The following SREK1 variants were observed in gnomAD, a reference collection of about 807,000 sequenced individuals.
The protein encoded by SREK1 is splicing regulatory glutamine/lysine-rich protein 1.
In SREK1, 13 loss-of-function variants were observed where a neutral mutation model predicts 66.5. That is an observed-to-expected ratio of 0.20 (90% CI 0.13 to 0.31). The LOEUF is 0.31. Ranked by LOEUF, SREK1 falls within the 10% of genes least tolerant of loss-of-function variation. The pLI, the probability that SREK1 is intolerant of heterozygous loss-of-function variation, is 1.00. For missense variants in SREK1, 607 were observed against 769.6 expected, an observed-to-expected ratio of 0.79 and a Z score of 2.50; for synonymous variants, 265 against 263.5, an observed-to-expected ratio of 1.01 and a Z score of -0.05.
Position 66,144,430 on chromosome 5 carries a change from G to A in SREK1, c.54G>A (p.Thr18=). The A allele has an allele frequency of 6.4e-7, 1 of 1,551,696 alleles. No individual in the cohort carries two copies. The highest frequency in any genetic ancestry group is 8.7e-7 in the Non-Finnish European group (1 of 1,146,996). The change falls in exon 1 of 12, where the codon ACG becomes ACA. Residue 18 remains threonine (T), a synonymous_variant. Coordinates refer to ENST00000334121, the MANE Select transcript of SREK1 (RefSeq NM_001077199.3). ...GLGLGFGLTP[T]SVIQVTNLSS... is the part of the protein sequence containing the mutation. ...GCTTAGGCTTCGGCCTCACCCCCAC[G>A]TCGGTGATTCAGGTGACGAATCTGT...
chr5:66,151,258 G>A (rs1743781292), intron 1 of SREK1, among the ~76,000 whole-genome samples: 1 of 152,228 alleles, frequency 6.6e-6, no homozygotes, highest in South Asian at 2.1e-4. Context: ...AGTCGTTGTG[G>A]TGGAGGAAAA....
rs144155678 is a variant in SREK1 at position 66,170,352 on chromosome 5, G to A, written c.1121+182G>A. ...GATTAATATTGATTGCCAGTGATCT[G>A]AATCTGATGTCAGTGTGACTCATGA... is the stretch of plus-strand genomic sequence containing the variant. On this transcript the variant is annotated intron_variant, in intron 8 of 11. Transcript: ENST00000334121. 2.2e-4 allele frequency among the ~76,000 whole-genome samples: 33 copies of A among 152,258 alleles called. No individual in the cohort carries two copies. In the East Asian group the frequency reaches 6.2e-3, roughly 28 times the overall value.
At chr5:66,167,012 A>G (rs1248810224) in intron 7 of SREK1, 2 of 152,172 alleles carry the variant, frequency 1.3e-5, no homozygotes, top group African/African-American at 2.4e-5. Context: ...CTCCTCTGCT[A>G]GTGGGAGTTG....
At chr5:66,160,087 G>A (rs187677079) in intron 3 of SREK1, among the ~76,000 whole-genome samples, 37 of 151,680 alleles carry the variant, frequency 2.4e-4, no homozygotes, top group Admixed American at 4.6e-4. Context: ...CGAAGATTGC[G>A]CCACTGCACT....
In SREK1 at chr5:66,183,590, TAATAA is replaced by T. The variant is rs1746676970; in HGVS notation, c.*4726_*4730del. On this transcript the variant is annotated 3_prime_UTR_variant, in exon 12 of 12. Coordinates refer to ENST00000334121, the MANE Select transcript of SREK1 (RefSeq NM_001077199.3). ...TGCTGCTATTATGTTGCTATATTTT[TAATAA>T]AATGAAAATCTTAAAATCTTGCCAC... 1 of 152,214 alleles carries T rather than the reference TAATAA, an allele frequency of 6.6e-6. No homozygotes were observed. Among genetic ancestry groups the T allele is most frequent in the Non-Finnish European group, 1.5e-5 (1 of 68,016 alleles). 9.4% of individuals were successfully genotyped at this position (152,214 alleles called of 1,614,324 possible). A position where few individuals can be genotyped will look rare whatever the true frequency, so the allele number is the denominator to read the frequency against.
intron 1 of SREK1, among the ~76,000 whole-genome samples, chr5:66,152,976 T>C (rs1743972982): frequency 6.6e-6 from 1 of 152,204 alleles, no homozygotes; most frequent in Admixed American, 6.5e-5. Flanking sequence ...AGCTCTGGTG[T>C]ATGCAAAATA....
chr5:66,174,733 T>A (rs1745913892), intron 9 of SREK1: 2 of 398,364 alleles, frequency 5.0e-6, no homozygotes, highest in East Asian at 7.8e-5. Context: ...AAGTCTTAGA[T>A]GATGTTTTCA....
intron 1 of SREK1, among the ~76,000 whole-genome samples, chr5:66,148,812 C>T (rs183100469): frequency 7.3e-6 from 1 of 137,734 alleles, no homozygotes; most frequent in African/African-American, 3.0e-5. Context: ...TATGTCATCC[C>T]TTTTTATGTG....
intron 1 of SREK1, among the ~76,000 whole-genome samples, chr5:66,148,104 G>A (rs1743426427): frequency 6.6e-6 from 1 of 151,792 alleles, no homozygotes; most frequent in African/African-American, 2.4e-5. Context: ...ATGATTAGAG[G>A]GCCTGTTGGC....
intron 10 of SREK1, among the ~76,000 whole-genome samples, chr5:66,176,966 T>TG (rs1329781361): frequency 6.6e-6 from 1 of 152,112 alleles, no homozygotes; most frequent in Non-Finnish European, 1.5e-5. Context: ...TAGGATACTA[T>TG]AGATGCAGGC....
Position 66,163,935 on chromosome 5 carries a change from CGTT to C in SREK1, c.886+17_886+19del, listed in dbSNP as rs3834832. ...GCTATTGAACCAGGTAAGTACATAACGTTGTTACATAGGTCATAGTTTAAAGAT... is the reference window on the plus strand; with the variant it reads ...GCTATTGAACCAGGTAAGTACATAACGTTACATAGGTCATAGTTTAAAGAT... On this transcript the variant is annotated intron_variant, in intron 6 of 11. Coordinates refer to ENST00000334121, the MANE Select transcript of SREK1 (RefSeq NM_001077199.3). The C allele has an allele frequency of 1.1e-4, 175 of 1,611,192 alleles. No homozygotes were observed. In the East Asian group the frequency reaches 3.8e-3, roughly 35 times the overall value.
chr5:66,144,721 TG>T (rs1743002157), intron 1 of SREK1, 184 bp downstream of exon 1: 6 of 1,305,316 alleles, frequency 4.6e-6, no homozygotes, highest in Admixed American at 3.1e-5. Flanking sequence ...TAGTCGGATT[TG>T]GGGGGTTAAC....
At chr5:66,160,989 G>A (rs1215271654) in intron 3 of SREK1, among the ~76,000 whole-genome samples, 1 of 152,144 alleles carries the variant, frequency 6.6e-6, no homozygotes, top group Non-Finnish European at 1.5e-5. Context: ...ACTGAATTTA[G>A]TGATGCTATA....
chr5:66,159,176 TG>T (rs1212058772), intron 2 of SREK1, 42 bp from the exon 3 acceptor site: 1 of 1,579,002 alleles, frequency 6.3e-7, no homozygotes, highest in East Asian at 2.2e-5. Context: ...AAAGTTTGTG[TG>T]GTGTTTCTGC....
chr5:66,162,057 G>A (rs1744816805), intron 3 of SREK1, 52 bp from the exon 4 acceptor site: 3 of 1,566,822 alleles, frequency 1.9e-6, no homozygotes. Flanking sequence ...TGGTATCTTT[G>A]GATACTAATA....
chr5:66,183,011 T>C lies in SREK1; in HGVS notation c.*4143T>C, dbSNP rs537810224. On this transcript the variant is annotated 3_prime_UTR_variant, in exon 12 of 12. Transcript: ENST00000334121. Reference sequence around the variant, plus strand: ...CAATTAGTTTGTTACAATTAGCTTATATCAGATATAACAGTTCTTAATATA... The same window carrying C: ...CAATTAGTTTGTTACAATTAGCTTACATCAGATATAACAGTTCTTAATATA... The C allele has an allele frequency of 6.6e-6, 1 of 152,342 alleles. No homozygotes were observed. The highest frequency in any genetic ancestry group is 2.1e-4 in the South Asian group (1 of 4,828). 9.4% of individuals were successfully genotyped at this position (152,342 alleles called of 1,614,324 possible).
intron 2 of SREK1, chr5:66,156,886 A>C: frequency 1.0e-6 from 1 of 970,646 alleles, no homozygotes; most frequent in Non-Finnish European, 1.2e-6. Flanking sequence ...TTCTAAATGG[A>C]TTCTGAGATT....
At chr5:66,177,365 T>G in intron 10 of SREK1, 149 bp from the exon 11 acceptor site, 1 of 666,456 alleles carries the variant, frequency 1.5e-6, no homozygotes, top group South Asian at 2.5e-5. Flanking sequence ...GTAGGGCTCA[T>G]TTATGTTACT....
intron 5 of SREK1, 105 bp from the exon 6 acceptor site, chr5:66,163,687 T>C: frequency 1.6e-6 from 2 of 1,213,232 alleles, no homozygotes; most frequent in Non-Finnish European, 2.2e-6. Flanking sequence ...CTTACGTGCT[T>C]CTGAGATGTC....
Sources: allele counts gnomAD v4.1 joint callset (sites outside exome capture counted in the v4.1 genomes callset), GRCh38; gene constraint gnomAD v4.1.1; transcripts MANE v1.5; gene names NCBI Gene and HGNC (gene_info 2026-07-23, HGNC 2026-07-21).